TTN: variants seen among roughly 807,000 people sequenced by gnomAD.
TTN encodes the protein connectin.
In TTN, 1,525 loss-of-function variants were observed where a neutral mutation model predicts 3,223.0. The ratio of observed to expected loss-of-function variants is 0.47; its 90% CI spans 0.45 to 0.49. The LOEUF (loss-of-function observed/expected upper bound fraction) is 0.49, where lower values mean the gene tolerates loss of function less well. Ranked by LOEUF, TTN falls within the 20% of genes least tolerant of loss-of-function variation. The pLI is 0.00. For synonymous variants in TTN, 14,094 were observed against 15,161.0 expected, an observed-to-expected ratio of 0.93 and a Z score of 5.17; for missense variants, 40,786 against 43,424.0, an observed-to-expected ratio of 0.94 and a Z score of 5.40.
At chr2:178,726,239 G>T in intron 69 of TTN, 193 bp from the exon 70 acceptor site, 1 of 536,822 alleles carries the variant, frequency 1.9e-6, no homozygotes, top group Non-Finnish European at 3.1e-6. Flanking sequence ...GATGGGCAGA[G>T]AACCCAGATA....
intron 119 of TTN, among the ~76,000 whole-genome samples, chr2:178,692,898 CTTTACT>C (rs2072821484): frequency 6.6e-6 from 1 of 151,740 alleles, no homozygotes; most frequent in Non-Finnish European, 1.5e-5. Context: ...TTTTTGTAAC[CTTTACT>C]TTTATAAAGC....
At chr2:178,799,362 G>A (rs892358894) in intron 6 of TTN, 125 bp downstream of exon 6, 6 of 1,451,150 alleles carry the variant, frequency 4.1e-6, no homozygotes, top group South Asian at 1.2e-5. Context: ...TTTGAGCAGC[G>A]GGACACTGAA....
chr2:178,592,325 GA>G, intron 301 of TTN, 48 bp from the exon 302 acceptor site: 1 of 1,599,714 alleles, frequency 6.3e-7, no homozygotes, highest in Non-Finnish European at 8.5e-7. Flanking sequence ...ATCCATATAA[GA>G]GCTCAAAATT....
chr2:178,644,517 A>G (rs1340645440), intron 218 of TTN, 31 bp downstream of exon 218: 8 of 1,529,784 alleles, frequency 5.2e-6, no homozygotes, highest in South Asian at 3.8e-5. Flanking sequence ...GGGGTACTAC[A>G]TAAGTATGTA....
At chr2:178,586,363 A>C (rs1370314397) in intron 308 of TTN, 142 bp downstream of exon 308, 2 of 914,366 alleles carry the variant, frequency 2.2e-6, no homozygotes, top group Admixed American at 5.9e-5. Flanking sequence ...TTTTTGGCCC[A>C]CTCATGTGTT....
chr2:178,718,945 ATCAGGGGTTTGT>A lies in TTN; in HGVS notation c.24243_24254del (p.Glu8081_Pro8084del), dbSNP rs2077914464. ...TCATTCCAGGCAAAACTTCCACAGA[ATCAGGGGTTTGT>A]TCAAAAGATGGTGGTTCTAGATATT... On this transcript the variant is annotated inframe_deletion, in exon 84 of 363. Transcript: ENST00000589042. The A allele has an allele frequency of 6.2e-7, 1 of 1,609,950 alleles. No homozygotes were observed. Among genetic ancestry groups the A allele is most frequent in the Non-Finnish European group, 8.5e-7 (1 of 1,177,974 alleles).
In TTN at chr2:178,714,542, G is replaced by A; in HGVS notation, c.26232C>T (p.Asp8744=). ...CTTCTTTACCAACGACAGTAGATAT[G>A]TCACTGAGCTTCTTCACAAATCTTG... is the stretch of plus-strand genomic sequence containing the variant. ...APPRFVKKLS[D]ISTVVGKEVQ... The change falls in exon 91 of 363, where the codon GAC becomes GAT. Residue 8744 remains aspartate (D), a synonymous_variant. Transcript: ENST00000589042. 1.2e-6 allele frequency: 2 copies of A among 1,608,520 alleles called. No homozygotes were observed. The highest frequency in any genetic ancestry group is 1.7e-6 in the Non-Finnish European group (2 of 1,176,340).
chr2:178,785,974 C>T lies in TTN; in HGVS notation c.2244G>A (p.Glu748=), dbSNP rs6715406. 0.37 allele frequency: 595,688 copies of T among 1,613,814 alleles called. 116,401 individuals are homozygous for T. The highest frequency in any genetic ancestry group is 0.41 in the Non-Finnish European group (479,511 of 1,179,938). ...KERISAAKVA[E]PPQRPASEPH... ...GTTCTGAGGCTGGACGTTGGGGAGG[C>T]TCAGCTACCTTTGCGGCGGAAATGC... The change falls in exon 14 of 363, where the codon GAG becomes GAA. Residue 748 remains glutamate (E), a synonymous_variant. Coordinates refer to ENST00000589042, the MANE Select transcript of TTN (RefSeq NM_001267550.2).
In TTN at chr2:178,601,929, G is replaced by C. The variant is rs745829306; in HGVS notation, c.55270-15C>G. 1 of 1,612,566 alleles carries C rather than the reference G, an allele frequency of 6.2e-7. No individual in the cohort carries two copies. Among genetic ancestry groups the C allele is most frequent in the Non-Finnish European group, 8.5e-7 (1 of 1,179,190 alleles). On this transcript the variant is annotated splice_polypyrimidine_tract_variant and intron_variant, in intron 284 of 362. Transcript: ENST00000589042. Reference sequence around the variant, plus strand: ...TGAACTCCATCCTATTAGAAAAGGAGACAGTCAGTTGTAGTATAAATACTC... The same window carrying C: ...TGAACTCCATCCTATTAGAAAAGGACACAGTCAGTTGTAGTATAAATACTC...
Position 178,665,468 on chromosome 2 carries a change from G to T in TTN, c.35960-8C>A, listed in dbSNP as rs1309365512. 7 of 1,611,502 alleles carry T rather than the reference G, an allele frequency of 4.3e-6. No individual in the cohort carries two copies. The highest frequency in any genetic ancestry group is 1.7e-4 in the Middle Eastern group (1 of 6,060). ...CTTTCATAGCTTCTGGTGCTTTGAA[G>T]ATATTAGTATTATGGTTAGAGGTTA... On this transcript the variant is annotated splice_polypyrimidine_tract_variant and splice_region_variant and intron_variant, in intron 164 of 362. Coordinates refer to ENST00000589042, the MANE Select transcript of TTN (RefSeq NM_001267550.2).
At position 178,612,886 on chromosome 2, in the gene TTN, A is replaced by G. The variant is rs779177073; in HGVS notation, c.49835T>C (p.Leu16612Pro). 3.7e-6 allele frequency: 6 copies of G among 1,612,448 alleles called. No homozygotes were observed. In the South Asian group the frequency reaches 5.5e-5, roughly 15 times the overall value. ...TTCCTGTCCTTCCATGAGCCCTGGG[A>G]GCAAGTGCTGAGTGGTGGGAACCCC... Reference protein sequence around the residue: ...AEGVPTTQHLLPGLMEGQEYS... With the variant: ...AEGVPTTQHLPPGLMEGQEYS... Residue 16612 changes from leucine to proline, a missense_variant, in exon 265 of 363, where the codon CTC becomes CCC. Transcript: ENST00000589042.
Position 178,644,564 on chromosome 2 carries a change from C to G in TTN, c.40461G>C (p.Glu13487Asp). ...GTGAAATACCTTTCAGAGGTGTAAGCTCCACTTTTTCTGGAACCTGAGGTT... is the reference window on the plus strand; with the variant it reads ...GTGAAATACCTTTCAGAGGTGTAAGGTCCACTTTTTCTGGAACCTGAGGTT... Reference protein sequence around the residue: ...PEKPQVPEKVELTPLKVPGGE... With the variant: ...PEKPQVPEKVDLTPLKVPGGE... The change falls in exon 218 of 363, where the codon GAG (glutamate) becomes GAC (aspartate). Residue 13487 changes from glutamate to aspartate, a missense_variant. Glu to Asp is a conservative substitution (Grantham distance 45). Coordinates refer to ENST00000589042, the MANE Select transcript of TTN (RefSeq NM_001267550.2). 2 of 1,586,204 alleles carry G rather than the reference C, an allele frequency of 1.3e-6. No individual in the cohort carries two copies. Among genetic ancestry groups the G allele is most frequent in the South Asian group, 2.4e-5 (2 of 85,074 alleles).
rs751106787 is a variant in TTN, at chr2:178,799,595, G to A, written c.806C>T (p.Pro269Leu). The A allele has an allele frequency of 3.1e-6, 5 of 1,614,034 alleles. No individual in the cohort carries two copies. The highest frequency in any genetic ancestry group is 1.7e-5 in the Admixed American group (1 of 60,002). The change falls in exon 6 of 363, where the codon CCG (proline) becomes CTG (leucine). Residue 269 changes from proline to leucine, a missense_variant. Physicochemically the swap from Pro to Leu is moderately conservative, Grantham distance 98. Coordinates refer to ENST00000589042, the MANE Select transcript of TTN (RefSeq NM_001267550.2). ...PKPKSRSPTP[P>L]SIAAKAQLAR... ...CAGCTGTGCTTTGGCAGCAATAGACGGTGGTGTTGGGGATCTTGACTTTGG... is the reference window on the plus strand; with the variant it reads ...CAGCTGTGCTTTGGCAGCAATAGACAGTGGTGTTGGGGATCTTGACTTTGG...
In TTN at chr2:178,706,512, C is replaced by T. The variant is rs2075898063; in HGVS notation, c.29362G>A (p.Val9788Met). 1 of 1,613,822 alleles carries T rather than the reference C, an allele frequency of 6.2e-7. No individual in the cohort carries two copies. The highest frequency in any genetic ancestry group is 8.5e-7 in the Non-Finnish European group (1 of 1,179,828). The change falls in exon 102 of 363, where the codon GTG becomes ATG. Residue 9788 changes from valine (V) to methionine (M), a missense_variant. Val to Met is a conservative substitution (Grantham distance 21). Coordinates refer to ENST00000589042, the MANE Select transcript of TTN (RefSeq NM_001267550.2). ...TTCTCTTGTTTCTTCCTTTCATCCA[C>T]CTGTAAGTTAACATTACTTTCAATT... ...GEIESNVNLQVDERKKQEKIE... is the reference protein window; with the variant it reads ...GEIESNVNLQMDERKKQEKIE...
Position 178,633,276 on chromosome 2 carries a change from C to T in TTN, c.42997G>A (p.Gly14333Ser), listed in dbSNP as rs773910732. The T allele has an allele frequency of 1.9e-6, 3 of 1,613,280 alleles. No individual in the cohort carries two copies. Among genetic ancestry groups the T allele is most frequent in the African/African-American group, 1.3e-5 (1 of 74,976 alleles). Residue 14333 changes from glycine to serine, a missense_variant, in exon 233 of 363, where the codon GGT (glycine) becomes AGT (serine). Transcript: ENST00000589042. The stretch of plus-strand genomic sequence containing the variant: ...TCAATTTCAAAGTGGGCTGTTTCAC[C>T]AACAAACACCTCTACTCCGTACAGA... Reference protein sequence around the residue: ...KPLYGVEVFVGETAHFEIELS... With the variant: ...KPLYGVEVFVSETAHFEIELS...
intron 46 of TTN, among the ~76,000 whole-genome samples, chr2:178,754,782 A>AT (rs1676498054): frequency 6.6e-6 from 1 of 152,200 alleles, no homozygotes; most frequent in Admixed American, 6.5e-5. Context: ...TTCTTGAGAT[A>AT]TTGCCTTTGT....
chr2:178,552,951 C>T lies in TTN; in HGVS notation c.89949G>A (p.Val29983=), dbSNP rs1281525934. 1 of 1,613,210 alleles carries T rather than the reference C, an allele frequency of 6.2e-7. No homozygotes were observed. ...AGGATGTGCTAGAACATTTGTGTGA[C>T]ACGACAGACCATGTTCTCTTGGTGG... ...RDATKRTWSV[V]SHKCSSTSFK... is the part of the protein sequence containing the mutation. The change falls in exon 335 of 363, where the codon GTG becomes GTA. Residue 29983 remains valine (V), a synonymous_variant. Transcript: ENST00000589042.
rs775731244 is a variant in TTN at position 178,589,194 on chromosome 2, A to G, written c.62531T>C (p.Val20844Ala). The G allele has an allele frequency of 2.5e-6, 4 of 1,613,548 alleles. No individual in the cohort carries two copies. In the South Asian group the frequency reaches 4.4e-5, roughly 18 times the overall value. Residue 20844 changes from valine to alanine, a missense_variant, in exon 304 of 363, where the codon GTT (valine) becomes GCT (alanine). Transcript: ENST00000589042. ...AKRSDGGKYV[V>A]TATNTAGSFV... The stretch of plus-strand genomic sequence containing the variant: ...ACTGCCAGCCGTGTTAGTTGCCGTA[A>G]CTACATATTTACCCCCATCACTTCG...
At position 178,718,578 on chromosome 2, in the gene TTN, T is replaced by C. The variant is rs1162009739; in HGVS notation, c.24528A>G (p.Arg8176=). ...CTGTCTCAACACTGAAATCAGCCAA[T>C]CTTTTCACAAAGGTGGCTGGTTCTA... ...FVKEPATFVK[R]LADFSVETGS... is the part of the protein sequence containing the mutation. The change falls in exon 85 of 363, where the codon AGA becomes AGG. Residue 8176 remains arginine, a synonymous_variant. Transcript: ENST00000589042. 6 of 1,612,612 alleles carry C rather than the reference T, an allele frequency of 3.7e-6. No homozygotes were observed. Among genetic ancestry groups the C allele is most frequent in the Non-Finnish European group, 5.1e-6 (6 of 1,178,952 alleles).
Sources: allele counts gnomAD v4.1 joint callset (sites outside exome capture counted in the v4.1 genomes callset), GRCh38; gene constraint gnomAD v4.1.1; transcripts MANE v1.5; gene names NCBI Gene and HGNC (gene_info 2026-07-23, HGNC 2026-07-21).